The following DIP2B variants were observed in gnomAD, a reference collection of about 807,000 sequenced individuals.
The protein encoded by DIP2B is DIP2 acetate--CoA ligase B (putative).
A neutral mutation model predicts 198.0 loss-of-function variants in DIP2B; 76 were observed. That is an observed-to-expected ratio of 0.38 (90% CI 0.32 to 0.46). DIP2B has a LOEUF of 0.46. Among genes scored for constraint, DIP2B ranks in the 20% least tolerant of loss-of-function variants. DIP2B has a pLI of 0.99. For missense variants in DIP2B, 1,559 were observed against 1,978.4 expected, an observed-to-expected ratio of 0.79 and a Z score of 4.02; for synonymous variants, 701 against 739.1, an observed-to-expected ratio of 0.95 and a Z score of 0.84.
At chr12:50,578,478 A>G (rs1009662205) in intron 1 of DIP2B, among the ~76,000 whole-genome samples, 4 of 151,246 alleles carry the variant, frequency 2.6e-5, no homozygotes, top group South Asian at 2.1e-4. Flanking sequence ...CAATATTTCA[A>G]TAATGATATT....
At chr12:50,543,277 G>T (rs1958342581) in intron 1 of DIP2B, among the ~76,000 whole-genome samples, 1 of 147,312 alleles carries the variant, frequency 6.8e-6, no homozygotes, top group Admixed American at 6.8e-5. Context: ...AGCTGTTAAA[G>T]TTTTTTTTTT....
intron 1 of DIP2B, among the ~76,000 whole-genome samples, chr12:50,583,363 C>T (rs1459858367): frequency 6.6e-6 from 1 of 151,886 alleles, no homozygotes; most frequent in Non-Finnish European, 1.5e-5. Flanking sequence ...ATAGTGGTGG[C>T]GAGTACTTGT....
chr12:50,532,759 AGTGTGG>A (rs1262679929), intron 1 of DIP2B, among the ~76,000 whole-genome samples: 5 of 152,010 alleles, frequency 3.3e-5, no homozygotes, highest in Non-Finnish European at 7.4e-5. Context: ...GAGAGAAGGG[AGTGTGG>A]GTAACCCCCT....
chr12:50,694,556 CAT>C (rs1592131309), intron 14 of DIP2B, among the ~76,000 whole-genome samples: 30 of 143,246 alleles, frequency 2.1e-4, no homozygotes, highest in Admixed American at 1.5e-3. Context: ...TACATACATA[CAT>C]ACACCAGTCC....
At chr12:50,520,039 T>C (rs955245139) in intron 1 of DIP2B, among the ~76,000 whole-genome samples, 5 of 144,648 alleles carry the variant, frequency 3.5e-5, no homozygotes, top group African/African-American at 1.3e-4. Flanking sequence ...AATCTCCTTT[T>C]TTTTTTTTTT....
chr12:50,577,652 T>G (rs1451074633), intron 1 of DIP2B, among the ~76,000 whole-genome samples: 1 of 151,576 alleles, frequency 6.6e-6, no homozygotes, highest in Non-Finnish European at 1.5e-5. Flanking sequence ...TAACTATATT[T>G]TCTAAAACAA....
chr12:50,726,656 TTTTC>T (rs151021203), intron 28 of DIP2B, among the ~76,000 whole-genome samples: 39,821 of 149,742 alleles, frequency 0.27, 5,896 homozygotes, highest in Non-Finnish European at 0.34. Flanking sequence ...TGGCCACCAT[TTTTC>T]TTTCTTTCTT....
rs189918267 is a variant in DIP2B, at chr12:50,616,981, A to C, written c.101-8995A>C. ...CTACTTGTATCCCTCATGTATGAGTAGTGATAACCCTAGTCTTACTCCCCA... is the reference window on the plus strand; with the variant it reads ...CTACTTGTATCCCTCATGTATGAGTCGTGATAACCCTAGTCTTACTCCCCA... On this transcript the variant is annotated intron_variant, in intron 1 of 37. Coordinates refer to ENST00000301180, the MANE Select transcript of DIP2B (RefSeq NM_173602.3). Among the ~76,000 whole-genome samples the C allele has an allele frequency of 4.6e-5, 7 of 152,214 alleles. No homozygotes were observed. The East Asian group carries it at 1.2e-3, about 25-fold the overall frequency.
intron 2 of DIP2B, among the ~76,000 whole-genome samples, chr12:50,627,305 T>C (rs773369471): frequency 3.3e-5 from 5 of 152,188 alleles, no homozygotes; most frequent in Non-Finnish European, 5.9e-5. Context: ...AACCAAATCA[T>C]GTTCAAAAAT....
intron 1 of DIP2B, among the ~76,000 whole-genome samples, chr12:50,552,568 A>G (rs181710041): frequency 6.6e-5 from 10 of 152,048 alleles, no homozygotes; most frequent in Admixed American, 6.5e-4. Context: ...CCTTTATCAG[A>G]TACGTTATTT....
At chr12:50,704,269 G>C (rs761165401) in intron 20 of DIP2B, 49 bp downstream of exon 20, 3 of 1,573,150 alleles carry the variant, frequency 1.9e-6, no homozygotes, top group Non-Finnish European at 2.6e-6. Flanking sequence ...CCAAATATTT[G>C]GACTTTAATT....
At chr12:50,558,841 C>T (rs993335879) in intron 1 of DIP2B, among the ~76,000 whole-genome samples, 1 of 152,076 alleles carries the variant, frequency 6.6e-6, no homozygotes, top group African/African-American at 2.4e-5. Context: ...GCACCAGTTC[C>T]CTCTGGAAAT....
At chr12:50,695,228 T>C in intron 14 of DIP2B, 39 bp from the exon 15 acceptor site, 1 of 1,551,484 alleles carries the variant, frequency 6.4e-7, no homozygotes. Flanking sequence ...TAAGTATGTA[T>C]TTTGTATTGA....
chr12:50,633,093 T>G (rs1019056955), intron 2 of DIP2B, among the ~76,000 whole-genome samples: 1 of 152,184 alleles, frequency 6.6e-6, no homozygotes, highest in Non-Finnish European at 1.5e-5. Flanking sequence ...GAATGATTTT[T>G]TTTGTGTGTG....
chr12:50,683,105 C>T, intron 9 of DIP2B, 33 bp from the exon 10 acceptor site: 1 of 1,523,408 alleles, frequency 6.6e-7, no homozygotes, highest in East Asian at 2.3e-5. Flanking sequence ...GTTTTTATTC[C>T]TCTGTTAAAC....
chr12:50,632,789 C>T (rs1053183349), intron 2 of DIP2B, among the ~76,000 whole-genome samples: 1 of 151,998 alleles, frequency 6.6e-6, no homozygotes, highest in Non-Finnish European at 1.5e-5. Flanking sequence ...CGCCTCCCTT[C>T]TCCTCCCGAA....
At chr12:50,726,668 CTT>C (rs769357838) in intron 28 of DIP2B, among the ~76,000 whole-genome samples, 6 of 109,874 alleles carry the variant, frequency 5.5e-5, no homozygotes, top group Admixed American at 8.9e-5. Flanking sequence ...TTCTTTCTTT[CTT>C]TTTTTTTTTT....
intron 1 of DIP2B, among the ~76,000 whole-genome samples, chr12:50,507,529 C>G (rs183080450): frequency 6.6e-6 from 1 of 152,186 alleles, no homozygotes. Flanking sequence ...AGTACTTTGT[C>G]TTTTTTTGTT....
At position 50,695,870 on chromosome 12, in the gene DIP2B, T is replaced by C. The variant is rs756532604; in HGVS notation, c.1836T>C (p.Cys612=). Reference sequence around the variant, plus strand: ...TAGCCAAGGTAGCTTTAGTAAAATGTCGGGACTTGCACTGGGCTATGATGG... The same window carrying C: ...TAGCCAAGGTAGCTTTAGTAAAATGCCGGGACTTGCACTGGGCTATGATGG... ...AHKAKVALVK[C]RDLHWAMMAH... The change falls in exon 16 of 38, where the codon TGT becomes TGC. Residue 612 remains cysteine (C), a synonymous_variant. Transcript: ENST00000301180. 6.2e-7 allele frequency: 1 copy of C among 1,614,142 alleles called. No individual in the cohort carries two copies. Among genetic ancestry groups the C allele is most frequent in the South Asian group, 1.1e-5 (1 of 91,080 alleles).
Sources: gnomAD v4.1 joint callset for allele counts (sites outside exome capture counted in the v4.1 genomes callset) on GRCh38, gnomAD v4.1.1 for gene constraint, MANE v1.5 for transcripts, NCBI Gene and HGNC (gene_info 2026-07-23, HGNC 2026-07-21) for gene names.